ZNF430: variants seen among roughly 807,000 people sequenced by gnomAD.
ZNF430 encodes zinc finger protein 430.
A neutral mutation model predicts 56.7 loss-of-function variants in ZNF430; 35 were observed. The ratio of observed to expected loss-of-function variants is 0.62; its 90% CI spans 0.47 to 0.82. The LOEUF (loss-of-function observed/expected upper bound fraction) is 0.82. Among genes scored for constraint, ZNF430 ranks in the 40% least tolerant of loss-of-function variants. The probability of loss-of-function intolerance (pLI) is 0.00; values close to 1 mark genes in which losing one functional copy is unlikely to be tolerated. For missense variants in ZNF430, 574 were observed against 661.0 expected, an observed-to-expected ratio of 0.87 and a Z score of 1.44; for synonymous variants, 212 against 224.3, an observed-to-expected ratio of 0.94 and a Z score of 0.49.
rs1968414039 is a variant in ZNF430 at position 21,058,071 on chromosome 19, A to G, written c.*50A>G. On this transcript the variant is annotated 3_prime_UTR_variant, in exon 5 of 5. Coordinates refer to ENST00000261560, the MANE Select transcript of ZNF430 (RefSeq NM_025189.4). ...GTCCTGAATTCTTACTAAACATAAG[A>G]ACATTCATACTGAAGAGGAACCCTA... 2 of 1,526,688 alleles carry G rather than the reference A, an allele frequency of 1.3e-6. No individual in the cohort carries two copies. The highest frequency in any genetic ancestry group is 1.8e-6 in the Non-Finnish European group (2 of 1,124,780). The allele number at this position is 1,526,688 out of a possible 1,614,324, so 94.6% of individuals were successfully genotyped here.
intron 4 of ZNF430, among the ~76,000 whole-genome samples, chr19:21,054,669 C>CTTTTTTTTTTTTTTTTGTTTTT (rs1968339861): frequency 1.5e-5 from 1 of 65,582 alleles, no homozygotes; most frequent in Admixed American, 2.4e-4. Flanking sequence ...ATTTTTACGT[C>CTTTTTTTTTTTTTTTTGTTTTT]TTTTTTTTTT....
intron 4 of ZNF430, among the ~76,000 whole-genome samples, chr19:21,049,305 A>C (rs565767148): frequency 1.2e-4 from 18 of 151,808 alleles, no homozygotes; most frequent in South Asian, 4.2e-4. Context: ...TGTATCTATT[A>C]ACAGATTTAT....
chr19:21,027,773 C>T (rs73926913), intron 2 of ZNF430, among the ~76,000 whole-genome samples: 7,107 of 151,476 alleles, frequency 0.047, 509 homozygotes, highest in African/African-American at 0.16. Context: ...TGGTTCTTTG[C>T]TTTTTTTTGG....
At chr19:21,023,522 G>C (rs894634486) in intron 2 of ZNF430, among the ~76,000 whole-genome samples, 16 of 151,990 alleles carry the variant, frequency 1.1e-4, no homozygotes, top group African/African-American at 3.9e-4. Flanking sequence ...TTACCCCCAG[G>C]GTGAGTTTAG....
At chr19:21,048,550 A>T (rs1020783010) in intron 4 of ZNF430, among the ~76,000 whole-genome samples, 7 of 152,096 alleles carry the variant, frequency 4.6e-5, no homozygotes, top group African/African-American at 1.7e-4. Context: ...TTTTCTTAGT[A>T]CAGAACAAAA....
chr19:21,043,547 T>C (rs1968142438), intron 4 of ZNF430, among the ~76,000 whole-genome samples: 2 of 152,198 alleles, frequency 1.3e-5, no homozygotes, highest in African/African-American at 4.8e-5. Context: ...TGAAGTCAGA[T>C]AGCATGATGC....
In ZNF430 at chr19:21,057,949, C is replaced by T. The variant is rs148734911; in HGVS notation, c.1641C>T (p.Gly547=). Residue 547 remains glycine, a synonymous_variant, in exon 5 of 5, where the codon GGC becomes GGT. Coordinates refer to ENST00000261560, the MANE Select transcript of ZNF430 (RefSeq NM_025189.4). ...AACCCTACAACTGTGAAGAATACGG[C>T]AAAGCTTTCAACCAGTCCTCAAACC... ...GEKPYNCEEY[G]KAFNQSSNLI... is the part of the protein sequence containing the mutation. 5.9e-4 allele frequency: 957 copies of T among 1,612,446 alleles called. 11 individuals carry two copies. In the East Asian group the frequency reaches 0.019, roughly 32 times the overall value.
intron 3 of ZNF430, 59 bp from the exon 4 acceptor site, chr19:21,034,027 G>A: frequency 1.5e-6 from 2 of 1,334,210 alleles, no homozygotes; most frequent in Non-Finnish European, 2.2e-6. Flanking sequence ...ACTAAGCACA[G>A]TACTAGGTTG....
intron 3 of ZNF430, 85 bp from the exon 4 acceptor site, chr19:21,034,001 C>A: frequency 1.0e-6 from 1 of 955,896 alleles, no homozygotes; most frequent in South Asian, 1.9e-5. Context: ...CTAGAATATT[C>A]TACCACATCC....
chr19:21,030,176 C>T (rs1043497755), intron 2 of ZNF430, among the ~76,000 whole-genome samples: 3 of 151,624 alleles, frequency 2.0e-5, no homozygotes, highest in Non-Finnish European at 4.4e-5. Context: ...AGTTGCTCCA[C>T]AAGCCACAAA....
Position 21,057,288 on chromosome 19 carries a change from A to C in ZNF430, c.980A>C (p.Asn327Thr), listed in dbSNP as rs748545862. The C allele has an allele frequency of 1.4e-5, 23 of 1,613,094 alleles. No homozygotes were observed. Residue 327 changes from asparagine to threonine, a missense_variant, in exon 5 of 5, where the codon AAC becomes ACC. Around this residue, in one of 3 missense-constraint regions of ZNF430, gnomAD observed 346 missense variants for 399.1 expected, o/e 0.87. Coordinates refer to ENST00000261560, the MANE Select transcript of ZNF430 (RefSeq NM_025189.4). The part of the protein sequence containing the change: ...YRCEECGRAF[N>T]RSSHLTTHKI... Reference sequence around the variant, plus strand: ...TGTGAAGAATGTGGCAGAGCTTTTAACCGGTCCTCACACCTTACTACACAT... The same window carrying C: ...TGTGAAGAATGTGGCAGAGCTTTTACCCGGTCCTCACACCTTACTACACAT...
At chr19:21,032,057 T>C (rs1312111363) in intron 2 of ZNF430, among the ~76,000 whole-genome samples, 3 of 151,982 alleles carry the variant, frequency 2.0e-5, no homozygotes, top group Non-Finnish European at 4.4e-5. Flanking sequence ...CATGGGGAGA[T>C]GTAGATACTC....
At chr19:21,052,586 G>T (rs1467109123) in intron 4 of ZNF430, among the ~76,000 whole-genome samples, 1 of 152,154 alleles carries the variant, frequency 6.6e-6, no homozygotes, top group Non-Finnish European at 1.5e-5. Context: ...TCTCTTTGCA[G>T]TTTTGACCTA....
intron 2 of ZNF430, among the ~76,000 whole-genome samples, chr19:21,025,023 T>G (rs973598987): frequency 7.2e-5 from 11 of 152,174 alleles, no homozygotes; most frequent in African/African-American, 2.6e-4. Flanking sequence ...GCAGAGTTCT[T>G]ATCGGAAAGG....
chr19:21,026,057 T>G (rs560945962), intron 2 of ZNF430: 1 of 316,340 alleles, frequency 3.2e-6, no homozygotes, highest in African/African-American at 2.2e-5. Context: ...TTTTTGTATT[T>G]TTAGTAGAGA....
In ZNF430 at chr19:21,057,246, G is replaced by T; in HGVS notation, c.938G>T (p.Gly313Val). 1 of 1,613,392 alleles carries T rather than the reference G, an allele frequency of 6.2e-7. No individual in the cohort carries two copies. The highest frequency in any genetic ancestry group is 8.5e-7 in the Non-Finnish European group (1 of 1,179,878). Residue 313 changes from glycine (G) to valine (V), a missense_variant, in exon 5 of 5, where the codon GGA becomes GTA. Coordinates refer to ENST00000261560, the MANE Select transcript of ZNF430 (RefSeq NM_025189.4). ...ACTACACATAAAAGAATTCATACTG[G>T]AGAGAAACCCTACAGATGTGAAGAA... is the stretch of plus-strand genomic sequence containing the variant. The part of the protein sequence containing the change: ...HLTTHKRIHT[G>V]EKPYRCEECG...
At chr19:21,042,119 G>A (rs1369263880) in intron 4 of ZNF430, among the ~76,000 whole-genome samples, 1 of 152,152 alleles carries the variant, frequency 6.6e-6, no homozygotes, top group African/African-American at 2.4e-5. Context: ...CTTTATCCAT[G>A]CCTTTGCAAA....
chr19:21,026,907 G>A (rs1200947878), intron 2 of ZNF430, among the ~76,000 whole-genome samples: 1 of 131,382 alleles, frequency 7.6e-6, no homozygotes, highest in Non-Finnish European at 1.5e-5. Context: ...TCGGCTCACT[G>A]CAACCTCCGC....
intron 4 of ZNF430, among the ~76,000 whole-genome samples, chr19:21,054,266 T>C (rs1470389877): frequency 6.6e-6 from 1 of 152,208 alleles, no homozygotes; most frequent in East Asian, 1.9e-4. Context: ...ATGTGTTGTT[T>C]CATTGAATAA....
Sources: allele counts gnomAD v4.1 joint callset (sites outside exome capture counted in the v4.1 genomes callset), GRCh38; gene constraint gnomAD v4.1.1; regional missense constraint gnomAD v4.1.1; transcripts MANE v1.5; gene names NCBI Gene and HGNC (gene_info 2026-07-23, HGNC 2026-07-21).